Variants in PXDNL observed in about 807,000 individuals in gnomAD.
The protein encoded by PXDNL is peroxidasin like.
A neutral mutation model predicts 150.8 loss-of-function variants in PXDNL; 145 were observed. The ratio of observed to expected loss-of-function variants is 0.96; its 90% CI spans 0.84 to 1.10. The LOEUF is 1.10. Ranked by LOEUF, PXDNL falls within the 50% of genes least tolerant of loss-of-function variation. The probability of loss-of-function intolerance (pLI) is 0.00; values close to 1 mark genes in which losing one functional copy is unlikely to be tolerated. For synonymous variants in PXDNL, 757 were observed against 725.7 expected, an observed-to-expected ratio of 1.04 and a Z score of -0.69; for missense variants, 2,087 against 1,873.9, an observed-to-expected ratio of 1.11 and a Z score of -2.10.
At chr8:51,461,185 T>C (rs1360338870) in intron 8 of PXDNL, among the ~76,000 whole-genome samples, 1 of 152,160 alleles carries the variant, frequency 6.6e-6, no homozygotes, top group African/African-American at 2.4e-5. Flanking sequence ...AGCTGAAGGA[T>C]ATCAAGCTGA....
At chr8:51,504,631 T>A (rs1811249174) in intron 4 of PXDNL, among the ~76,000 whole-genome samples, 1 of 152,246 alleles carries the variant, frequency 6.6e-6, no homozygotes, top group African/African-American at 2.4e-5. Flanking sequence ...ATGTAATCCA[T>A]GCCTGTCTGC....
intron 3 of PXDNL, among the ~76,000 whole-genome samples, chr8:51,578,966 T>C (rs1195370140): frequency 6.6e-6 from 1 of 151,968 alleles, no homozygotes; most frequent in Non-Finnish European, 1.5e-5. Flanking sequence ...TCTATGTGGG[T>C]TGCAGAATTA....
Position 51,691,608 on chromosome 8 carries a change from T to G in PXDNL, c.165-36848A>C, listed in dbSNP as rs987375104. On this transcript the variant is annotated intron_variant, in intron 1 of 22. Coordinates refer to ENST00000356297, the MANE Select transcript of PXDNL (RefSeq NM_144651.5). ...AAAAACACCTAAATATAAAATAAAG[T>G]TTAAAGTTGAACAAAACCTTCTAAG... 2.0e-5 allele frequency among the ~76,000 whole-genome samples: 3 copies of G among 150,828 alleles called. No homozygotes were observed. In the South Asian group the frequency reaches 6.3e-4, roughly 32 times the overall value.
chr8:51,326,027 G>T (rs1198512403), intron 21 of PXDNL, among the ~76,000 whole-genome samples: 2 of 152,142 alleles, frequency 1.3e-5, no homozygotes, highest in Non-Finnish European at 2.9e-5. Flanking sequence ...TGCTCAGGTT[G>T]CTGGCTTCTT....
At chr8:51,778,450 G>A (rs1255771456) in intron 1 of PXDNL, among the ~76,000 whole-genome samples, 1 of 152,090 alleles carries the variant, frequency 6.6e-6, no homozygotes, top group African/African-American at 2.4e-5. Flanking sequence ...CTCAACCTAT[G>A]TAATATCCTC....
chr8:51,735,525 T>TGG (rs1248488394), intron 1 of PXDNL, among the ~76,000 whole-genome samples: 4 of 46,608 alleles, frequency 8.6e-5, no homozygotes, highest in African/African-American at 1.6e-4. Context: ...AATTAAAAAT[T>TGG]GTTTTTTTTT....
At chr8:51,436,487 A>G in intron 12 of PXDNL, 1 of 346,282 alleles carries the variant, frequency 2.9e-6, no homozygotes, top group Non-Finnish European at 5.9e-6. Context: ...AAAGAGCCAA[A>G]GATCCTTCTT....
intron 11 of PXDNL, 91 bp downstream of exon 11, chr8:51,448,911 C>A (rs1318657063): frequency 1.4e-6 from 1 of 734,654 alleles, no homozygotes; most frequent in African/African-American, 1.7e-5. Context: ...CCATGATACA[C>A]CTTCGATAAT....
At chr8:51,758,549 G>A (rs1200055719) in intron 1 of PXDNL, among the ~76,000 whole-genome samples, 4 of 152,188 alleles carry the variant, frequency 2.6e-5, no homozygotes, top group African/African-American at 4.8e-5. Context: ...TGTCAAGGGC[G>A]AGACGTACTG....
chr8:51,404,417 ATCCCCT>A (rs1808375102), intron 17 of PXDNL, among the ~76,000 whole-genome samples: 13 of 149,362 alleles, frequency 8.7e-5, no homozygotes, highest in African/African-American at 2.8e-4. Flanking sequence ...TGCATTTATA[ATCCCCT>A]AGCTAGACAT....
intron 1 of PXDNL, among the ~76,000 whole-genome samples, chr8:51,756,220 A>C (rs1484983865): frequency 6.6e-6 from 1 of 151,992 alleles, no homozygotes; most frequent in Non-Finnish European, 1.5e-5. Context: ...AAGGCAAAAT[A>C]CCATCTCTGC....
At chr8:51,428,376 G>T (rs58397263) in intron 12 of PXDNL, among the ~76,000 whole-genome samples, 164 of 152,262 alleles carry the variant, frequency 1.1e-3, no homozygotes, top group African/African-American at 3.8e-3. Flanking sequence ...TAAAATTTAT[G>T]CAGAAATGCA....
At chr8:51,734,270 G>A (rs1431279910) in intron 1 of PXDNL, among the ~76,000 whole-genome samples, 1 of 152,152 alleles carries the variant, frequency 6.6e-6, no homozygotes, top group Non-Finnish European at 1.5e-5. Context: ...AAACAAACTA[G>A]TTTTTAAATT....
At chr8:51,414,954 A>G (rs1808756097) in intron 14 of PXDNL, among the ~76,000 whole-genome samples, 1 of 152,220 alleles carries the variant, frequency 6.6e-6, no homozygotes, top group African/African-American at 2.4e-5. Flanking sequence ...AGCTGATTAA[A>G]GCCAAATTTT....
chr8:51,573,357 G>A (rs574040345), intron 3 of PXDNL, among the ~76,000 whole-genome samples: 1 of 152,066 alleles, frequency 6.6e-6, no homozygotes, highest in South Asian at 2.1e-4. Context: ...AGAAAGCCTT[G>A]ACCTCCACCC....
chr8:51,624,534 T>C (rs964283701), intron 2 of PXDNL, among the ~76,000 whole-genome samples: 5 of 151,892 alleles, frequency 3.3e-5, no homozygotes, highest in Admixed American at 3.3e-4. Context: ...CTCTGTTGAC[T>C]AGAAATAATA....
Position 51,796,737 on chromosome 8 carries a change from C to A in PXDNL, c.164+12444G>T, listed in dbSNP as rs183147015. 1.3e-3 allele frequency among the ~76,000 whole-genome samples: 197 copies of A among 152,224 alleles called. 3 individuals are homozygous for A. The highest frequency in any genetic ancestry group is 5.0e-3 in the East Asian group (26 of 5,190). ...CAGATGGATTTACAGCTGAATTCTACCAGAGGTACAAAGAGGAGCTGGTAC... is the reference window on the plus strand; with the variant it reads ...CAGATGGATTTACAGCTGAATTCTAACAGAGGTACAAAGAGGAGCTGGTAC... On this transcript the variant is annotated intron_variant, in intron 1 of 22. Coordinates refer to ENST00000356297, the MANE Select transcript of PXDNL (RefSeq NM_144651.5).
At chr8:51,330,423 T>C (rs1328100992) in intron 21 of PXDNL, among the ~76,000 whole-genome samples, 5 of 152,194 alleles carry the variant, frequency 3.3e-5, no homozygotes, top group Non-Finnish European at 7.3e-5. Context: ...GCATCCCTTA[T>C]AATTCCATAT....
At chr8:51,389,375 T>C (rs1416584943) in intron 17 of PXDNL, among the ~76,000 whole-genome samples, 1 of 152,216 alleles carries the variant, frequency 6.6e-6, no homozygotes, top group Non-Finnish European at 1.5e-5. Flanking sequence ...TCCTGTTTCA[T>C]TTCAGCCTCG....
Sources: gnomAD v4.1 joint callset for allele counts (sites outside exome capture counted in the v4.1 genomes callset) on GRCh38, gnomAD v4.1.1 for gene constraint, MANE v1.5 for transcripts, NCBI Gene and HGNC (gene_info 2026-07-23, HGNC 2026-07-21) for gene names.